TRAF3: variants seen among roughly 807,000 people sequenced by gnomAD.
The protein encoded by TRAF3 is TNF receptor-associated factor 3.
TRAF3 carries 13 observed loss-of-function variants against 62.3 expected under a neutral mutation model. That is an observed-to-expected ratio of 0.21 (90% CI 0.14 to 0.33). The LOEUF (loss-of-function observed/expected upper bound fraction) is 0.33. Among genes scored for constraint, TRAF3 ranks in the 10% least tolerant of loss-of-function variants. The pLI, the probability that TRAF3 is intolerant of heterozygous loss-of-function variation, is 1.00. For missense variants in TRAF3, 440 were observed against 741.8 expected (o/e 0.59, Z 4.73); for synonymous variants, 269 against 283.4 (o/e 0.95, Z 0.51).
chr14:102,791,088 C>T (rs1241092024), intron 1 of TRAF3, among the ~76,000 whole-genome samples: 9 of 150,254 alleles, frequency 6.0e-5, no homozygotes, highest in East Asian at 3.9e-4. Context: ...GGCACAGTCT[C>T]GGCTCACTGC....
At position 102,906,787 on chromosome 14, in the gene TRAF3, GGT is replaced by G. The variant is rs1890605218; in HGVS notation, c.*1005_*1006del. On this transcript the variant is annotated 3_prime_UTR_variant, in exon 12 of 12. Transcript: ENST00000392745. ...TCGGTCTCCATGTCAGGGGTGGGCG[GGT>G]GACTGCTGAGGGAGGCCCGCAGGTG... 1 of 152,220 alleles carries G rather than the reference GGT, an allele frequency of 6.6e-6. No homozygotes were observed. The highest frequency in any genetic ancestry group is 2.1e-4 in the South Asian group (1 of 4,828). 9.4% of individuals were successfully genotyped at this position (152,220 alleles called of 1,614,324 possible).
At chr14:102,792,558 C>G (rs1257342832) in intron 1 of TRAF3, among the ~76,000 whole-genome samples, 1 of 151,498 alleles carries the variant, frequency 6.6e-6, no homozygotes, top group East Asian at 1.9e-4. Context: ...AGGTGTGAAC[C>G]ACTGTGCCTG....
chr14:102,879,041 G>A (rs796535703), intron 6 of TRAF3, among the ~76,000 whole-genome samples: 17 of 152,218 alleles, frequency 1.1e-4, no homozygotes, highest in African/African-American at 4.1e-4. Flanking sequence ...TGGGCTTGGG[G>A]GAGAATGGGG....
At chr14:102,839,062 A>G (rs1450223430) in intron 2 of TRAF3, among the ~76,000 whole-genome samples, 3 of 152,128 alleles carry the variant, frequency 2.0e-5, no homozygotes, top group East Asian at 1.9e-4. Context: ...TCCCTGTCAT[A>G]TGGATGAGTC....
chr14:102,884,657 A>C (rs1889259473), intron 6 of TRAF3, among the ~76,000 whole-genome samples: 1 of 151,980 alleles, frequency 6.6e-6, no homozygotes, highest in Non-Finnish European at 1.5e-5. Flanking sequence ...TAAAAATACA[A>C]AAAATTAGCT....
intron 2 of TRAF3, among the ~76,000 whole-genome samples, chr14:102,832,444 CAG>C (rs1900752805): frequency 6.6e-6 from 1 of 152,106 alleles, no homozygotes; most frequent in African/African-American, 2.4e-5. Flanking sequence ...GAGGCCGAGG[CAG>C]GTGGATCACC....
intron 2 of TRAF3, among the ~76,000 whole-genome samples, chr14:102,867,712 C>T (rs1462927091): frequency 6.6e-6 from 1 of 152,174 alleles, no homozygotes; most frequent in Non-Finnish European, 1.5e-5. Context: ...AAGGCTAGTA[C>T]CAGGTGCCCT....
rs56998347 is a variant in TRAF3, at chr14:102,839,210, CTTTTT to C, written c.-18+8762_-18+8766del. ...GAGAGATGCTTATTGGTTGATTTGC[CTTTTT>C]TTTTTTTTTTTTTTTTTTTTTTTGA... On this transcript the variant is annotated intron_variant, in intron 2 of 11. Transcript: ENST00000392745. Among the ~76,000 whole-genome samples the C allele has an allele frequency of 5.8e-3, 519 of 89,788 alleles. 1 individual carries two copies. The highest frequency in any genetic ancestry group is 0.022 in the African/African-American group (500 of 22,546). 58.9% of individuals were successfully genotyped at this position (89,788 alleles called of 152,430 possible).
intron 11 of TRAF3, 118 bp from the exon 12 acceptor site, chr14:102,905,094 AG>A: frequency 9.5e-7 from 1 of 1,057,098 alleles, no homozygotes; most frequent in Non-Finnish European, 1.4e-6. Context: ...TCTGGGCAAC[AG>A]AGCGAGACTC....
At chr14:102,862,456 T>A (rs1417109273) in intron 2 of TRAF3, among the ~76,000 whole-genome samples, 3 of 152,060 alleles carry the variant, frequency 2.0e-5, no homozygotes, top group African/African-American at 7.3e-5. Flanking sequence ...TTCAGCCCTT[T>A]AATTTGTCAC....
chr14:102,904,890 TC>T (rs1175167529), intron 11 of TRAF3, among the ~76,000 whole-genome samples: 1 of 149,844 alleles, frequency 6.7e-6, no homozygotes, highest in East Asian at 2.0e-4. Flanking sequence ...GGCAGGTGGA[TC>T]ACCTGAGGTC....
chr14:102,856,463 C>T (rs1887376997), intron 2 of TRAF3, among the ~76,000 whole-genome samples: 1 of 152,122 alleles, frequency 6.6e-6, no homozygotes, highest in African/African-American at 2.4e-5. Context: ...CATGCTGATG[C>T]ATTATAATTA....
At chr14:102,852,427 G>A (rs1887100065) in intron 2 of TRAF3, among the ~76,000 whole-genome samples, 1 of 152,166 alleles carries the variant, frequency 6.6e-6, no homozygotes, top group Non-Finnish European at 1.5e-5. Context: ...ACTCCAGTGC[G>A]GCCTGCTTGC....
chr14:102,804,207 C>A (rs1181749738), intron 1 of TRAF3, among the ~76,000 whole-genome samples: 1 of 151,822 alleles, frequency 6.6e-6, no homozygotes, highest in Non-Finnish European at 1.5e-5. Flanking sequence ...ACAAAAAAAA[C>A]TTCAGAGGAG....
At chr14:102,879,687 G>C (rs111427954) in intron 6 of TRAF3, among the ~76,000 whole-genome samples, 2 of 149,894 alleles carry the variant, frequency 1.3e-5, no homozygotes, top group Admixed American at 6.7e-5. Context: ...TGGCAAAAAC[G>C]GCAATTACTT....
chr14:102,865,712 C>G (rs1887949716), intron 2 of TRAF3: 1 of 152,132 alleles, frequency 6.6e-6, no homozygotes, highest in Admixed American at 6.6e-5. Context: ...TTGGCCAGGG[C>G]TGGTCTTGAA....
intron 1 of TRAF3, among the ~76,000 whole-genome samples, chr14:102,802,113 A>G (rs1898466306): frequency 6.6e-6 from 1 of 150,744 alleles, no homozygotes; most frequent in Admixed American, 6.6e-5. Context: ...TGGCCTCCCA[A>G]AGTGCTGGGA....
At chr14:102,895,565 AGGCACACATCGGATCT>A (rs1359448660) in intron 9 of TRAF3, among the ~76,000 whole-genome samples, 4 of 152,116 alleles carry the variant, frequency 2.6e-5, no homozygotes, top group Non-Finnish European at 5.9e-5. Context: ...ATCGTTGGAG[AGGCACACATCGGATCT>A]GGCACAGAGC....
chr14:102,900,447 G>A (rs1264896096), intron 10 of TRAF3, among the ~76,000 whole-genome samples: 1 of 152,260 alleles, frequency 6.6e-6, no homozygotes, highest in African/African-American at 2.4e-5. Context: ...GTTGCAGTGA[G>A]CAAAGATTGC....
Sources: allele counts gnomAD v4.1 joint callset (sites outside exome capture counted in the v4.1 genomes callset), GRCh38; gene constraint gnomAD v4.1.1; transcripts MANE v1.5; gene names NCBI Gene and HGNC (gene_info 2026-07-23, HGNC 2026-07-21).